The following ANXA4 variants were observed in gnomAD, a reference collection of about 807,000 sequenced individuals.
ANXA4 encodes 35-beta calcimedin.
ANXA4 carries 39 observed loss-of-function variants against 49.8 expected under a neutral mutation model. That is an observed-to-expected ratio of 0.78 (90% CI 0.61 to 1.02). The LOEUF is 1.02. Among genes scored for constraint, ANXA4 ranks in the 50% least tolerant of loss-of-function variants. ANXA4 has a pLI of 0.00. For missense variants in ANXA4, 360 were observed against 410.1 expected (o/e 0.88, Z 1.05); for synonymous variants, 134 against 152.5 (o/e 0.88, Z 0.89).
intron 2 of ANXA4, among the ~76,000 whole-genome samples, chr2:69,653,634 CT>C (rs1264399382): frequency 6.6e-6 from 1 of 152,192 alleles, no homozygotes; most frequent in Non-Finnish European, 1.5e-5. Flanking sequence ...TGGAAACTCA[CT>C]TATGATTGGA....
At chr2:69,720,085 C>T (rs1388852667) in intron 2 of ANXA4, among the ~76,000 whole-genome samples, 1 of 152,128 alleles carries the variant, frequency 6.6e-6, no homozygotes, top group Non-Finnish European at 1.5e-5. Flanking sequence ...GGAACGAGCT[C>T]CCCCTCCAAA....
rs568721746 is a variant in ANXA4, at chr2:69,703,621, A to G, written n.767-17153A>G. Among the ~76,000 whole-genome samples the G allele has an allele frequency of 4.6e-5, 7 of 152,312 alleles. No individual in the cohort carries two copies. The East Asian group carries it at 1.3e-3, about 29-fold the overall frequency. ...TTTGATGAAAGAAGAGGAGTTATAC[A>G]GCTTGACTCTTTTTTTCTCCCAGAT... On this transcript the variant is annotated intron_variant and non_coding_transcript_variant, in intron 2 of 3. Transcript: ENST00000418066.
intron 1 of ANXA4, among the ~76,000 whole-genome samples, chr2:69,779,781 A>G (rs896323711): frequency 2.6e-5 from 4 of 152,060 alleles, no homozygotes; most frequent in Admixed American, 2.6e-4. Context: ...GGCTTTTCCA[A>G]CCTTGTTTCT....
chr2:69,765,037 A>G (rs1460018462), intron 1 of ANXA4, among the ~76,000 whole-genome samples: 1 of 152,124 alleles, frequency 6.6e-6, no homozygotes, highest in Non-Finnish European at 1.5e-5. Context: ...AAGGTTGAAT[A>G]ATATTCCACT....
intron 1 of ANXA4, among the ~76,000 whole-genome samples, chr2:69,742,859 A>C (rs1573178206): frequency 6.6e-6 from 1 of 152,098 alleles, no homozygotes; most frequent in Non-Finnish European, 1.5e-5. Context: ...GTCCTGCATA[A>C]CTCGTGCTTT....
intron 2 of ANXA4, among the ~76,000 whole-genome samples, chr2:69,712,011 T>C (rs1678692356): frequency 6.6e-6 from 1 of 152,164 alleles, no homozygotes. Flanking sequence ...TTGCCTATTT[T>C]GTCTCAATTT....
intron 3 of ANXA4, among the ~76,000 whole-genome samples, chr2:69,789,112 G>A (rs1035206142): frequency 6.6e-6 from 1 of 152,158 alleles, no homozygotes; most frequent in African/African-American, 2.4e-5. Flanking sequence ...AATTAGTGCT[G>A]GTGTGTATAT....
chr2:69,809,249 A>G (rs1673591686), intron 6 of ANXA4: 1 of 152,042 alleles, frequency 6.6e-6, no homozygotes, highest in Non-Finnish European at 1.5e-5. Context: ...TGTGGTCAAC[A>G]TGTGTTACCT....
At position 69,742,156 on chromosome 2, in the gene ANXA4, A is replaced by C. The variant is rs1249260270; in HGVS notation, c.-66A>C. 6.6e-6 allele frequency: 1 copy of C among 151,508 alleles called. No individual in the cohort carries two copies. The highest frequency in any genetic ancestry group is 2.4e-5 in the African/African-American group (1 of 41,048). 9.4% of individuals were successfully genotyped at this position (151,508 alleles called of 1,614,324 possible). A position where few individuals can be genotyped will look rare whatever the true frequency, so the allele number is the denominator to read the frequency against. On this transcript the variant is annotated 5_prime_UTR_variant, in exon 1 of 13. Transcript: ENST00000394295. ...GGTGTGACCTCCGCAGCCGCAGAGG[A>C]GGAGCGCAGCCCGGCCTCGGTACGA...
chr2:69,755,001 T>G (rs17036974), intron 1 of ANXA4, among the ~76,000 whole-genome samples: 2,209 of 152,348 alleles, frequency 0.014, 35 homozygotes, highest in African/African-American at 0.039. Flanking sequence ...CTTGAAATTT[T>G]GGTTTCACTT....
intron 2 of ANXA4, among the ~76,000 whole-genome samples, chr2:69,695,911 A>G (rs1237057263): frequency 8.7e-6 from 1 of 114,458 alleles, no homozygotes; most frequent in Non-Finnish European, 2.0e-5. Context: ...CTTTTTTGCT[A>G]AAAAAAAATG....
At chr2:69,735,462 C>A (rs1670219477) in intron 3 of ANXA4, among the ~76,000 whole-genome samples, 1 of 152,118 alleles carries the variant, frequency 6.6e-6, no homozygotes, top group Non-Finnish European at 1.5e-5. Flanking sequence ...CACTAGTCCA[C>A]CATCGTCTTG....
chr2:69,672,487 C>T (rs987308174), intron 2 of ANXA4, among the ~76,000 whole-genome samples: 6 of 152,014 alleles, frequency 3.9e-5, no homozygotes, highest in African/African-American at 1.4e-4. Context: ...CTGCCCTGGC[C>T]CCCCAAAGTG....
intron 12 of ANXA4, among the ~76,000 whole-genome samples, chr2:69,824,991 C>T (rs1245544851): frequency 1.4e-5 from 2 of 144,282 alleles, no homozygotes; most frequent in African/African-American, 5.1e-5. Context: ...GGCGTGAACC[C>T]GGGAGGCAGA....
intron 2 of ANXA4, among the ~76,000 whole-genome samples, chr2:69,697,573 T>C (rs184018685): frequency 6.6e-6 from 1 of 152,362 alleles, no homozygotes; most frequent in East Asian, 1.9e-4. Context: ...AGCCTAGCTT[T>C]TGGCCTGTCT....
chr2:69,664,821 G>A (rs1362304656), intron 2 of ANXA4, among the ~76,000 whole-genome samples: 1 of 152,128 alleles, frequency 6.6e-6, no homozygotes, highest in African/African-American at 2.4e-5. Flanking sequence ...ATGCTATGTT[G>A]GCCAGGCGCA....
intron 2 of ANXA4, among the ~76,000 whole-genome samples, chr2:69,700,896 A>G (rs566224034): frequency 6.6e-6 from 1 of 152,254 alleles, no homozygotes; most frequent in Non-Finnish European, 1.5e-5. Flanking sequence ...ATTTTGAGAC[A>G]GAGTCCCACT....
At chr2:69,733,815 T>C (rs1230890334) in intron 3 of ANXA4, among the ~76,000 whole-genome samples, 1 of 152,206 alleles carries the variant, frequency 6.6e-6, no homozygotes, top group African/African-American at 2.4e-5. Context: ...AAAAATACTT[T>C]CTTCTTTGAC....
At chr2:69,792,991 T>C (rs556106868) in intron 3 of ANXA4, among the ~76,000 whole-genome samples, 1 of 151,404 alleles carries the variant, frequency 6.6e-6, no homozygotes, top group Admixed American at 6.5e-5. Context: ...CAATGGCTCC[T>C]GCCTGTAATC....
Sources: gnomAD v4.1 joint callset for allele counts (sites outside exome capture counted in the v4.1 genomes callset) on GRCh38, gnomAD v4.1.1 for gene constraint, MANE v1.5 for transcripts, NCBI Gene and HGNC (gene_info 2026-07-23, HGNC 2026-07-21) for gene names.